ADK: variants seen among roughly 807,000 people sequenced by gnomAD.
ADK encodes the protein adenosine kinase, also known as N6,N6-dimethyladenosine kinase.
A neutral mutation model predicts 44.7 loss-of-function variants in ADK; 24 were observed. That is an observed-to-expected ratio of 0.54 (90% CI 0.39 to 0.76). The LOEUF (loss-of-function observed/expected upper bound fraction) is 0.76, where lower values mean the gene tolerates loss of function less well. Among genes scored for constraint, ADK ranks in the 30% least tolerant of loss-of-function variants. The probability of loss-of-function intolerance (pLI) is 0.00; values close to 1 mark genes in which losing one functional copy is unlikely to be tolerated. For synonymous variants in ADK, 128 were observed against 142.6 expected (o/e 0.90, Z 0.73); for missense variants, 321 against 425.1 (o/e 0.76, Z 2.15).
intron 3 of ADK, among the ~76,000 whole-genome samples, chr10:74,236,165 C>T (rs1417850541): frequency 6.6e-6 from 1 of 152,114 alleles, no homozygotes; most frequent in African/African-American, 2.4e-5. Context: ...TTTTCTCAGA[C>T]ATAATGTAAG....
intron 3 of ADK, among the ~76,000 whole-genome samples, chr10:74,304,303 A>C (rs1470564475): frequency 6.6e-6 from 1 of 151,818 alleles, no homozygotes; most frequent in Non-Finnish European, 1.5e-5. Flanking sequence ...TAACTAAGTT[A>C]TTTTTCCACA....
chr10:74,481,044 C>A (rs931387788), intron 6 of ADK, among the ~76,000 whole-genome samples: 3 of 151,796 alleles, frequency 2.0e-5, no homozygotes, highest in African/African-American at 7.3e-5. Flanking sequence ...TTTCAGTGTA[C>A]CTTTTTAGAT....
At chr10:74,524,792 G>C (rs1848974978) in intron 6 of ADK, among the ~76,000 whole-genome samples, 1 of 152,192 alleles carries the variant, frequency 6.6e-6, no homozygotes, top group South Asian at 2.1e-4. Flanking sequence ...CAGCTACTTG[G>C]AGGGCTGAGG....
At chr10:74,408,342 A>G (rs776318248) in intron 6 of ADK, among the ~76,000 whole-genome samples, 3 of 152,098 alleles carry the variant, frequency 2.0e-5, no homozygotes, top group Non-Finnish European at 2.9e-5. Flanking sequence ...CGAATTCTGT[A>G]TTGAGTTTTC....
intron 2 of ADK, among the ~76,000 whole-genome samples, chr10:74,220,383 T>G (rs1320429674): frequency 6.6e-6 from 1 of 152,068 alleles, no homozygotes; most frequent in African/African-American, 2.4e-5. Flanking sequence ...AATCAATAGC[T>G]TACCAACCAA....
At chr10:74,195,290 AG>A (rs1437983818) in intron 1 of ADK, among the ~76,000 whole-genome samples, 1 of 152,214 alleles carries the variant, frequency 6.6e-6, no homozygotes, top group Non-Finnish European at 1.5e-5. Context: ...TCATTTAAGA[AG>A]GTCATAGTAT....
At chr10:74,574,088 G>A (rs899410653) in intron 7 of ADK, among the ~76,000 whole-genome samples, 10 of 151,804 alleles carry the variant, frequency 6.6e-5, no homozygotes, top group Admixed American at 1.3e-4. Context: ...GAAATCACAC[G>A]TTTTCTGCGT....
At chr10:74,409,682 G>A (rs1340216591) in intron 6 of ADK, among the ~76,000 whole-genome samples, 1 of 152,112 alleles carries the variant, frequency 6.6e-6, no homozygotes, top group Non-Finnish European at 1.5e-5. Flanking sequence ...TTTTGTGAGG[G>A]TAGAGTTTTC....
intron 1 of ADK, among the ~76,000 whole-genome samples, chr10:74,195,924 G>A (rs1027377105): frequency 6.6e-5 from 10 of 151,460 alleles, no homozygotes; most frequent in South Asian, 2.1e-4. Flanking sequence ...CAATGCGCCC[G>A]CCTCAGCCTC....
chr10:74,487,090 T>G (rs995986290), intron 6 of ADK, among the ~76,000 whole-genome samples: 8 of 152,130 alleles, frequency 5.3e-5, no homozygotes, highest in African/African-American at 1.9e-4. Flanking sequence ...TAAAGCAGTC[T>G]TGTAAACACT....
chr10:74,385,824 T>G (rs1843120494), intron 4 of ADK, among the ~76,000 whole-genome samples: 1 of 152,212 alleles, frequency 6.6e-6, no homozygotes, highest in South Asian at 2.1e-4. Context: ...AGTTTATTTT[T>G]TCTACTAGGC....
At chr10:74,216,835 C>G (rs1488567948) in intron 2 of ADK, among the ~76,000 whole-genome samples, 1 of 151,954 alleles carries the variant, frequency 6.6e-6, no homozygotes, top group Non-Finnish European at 1.5e-5. Context: ...TAGTTTCATT[C>G]ACAATAGGTG....
intron 7 of ADK, among the ~76,000 whole-genome samples, chr10:74,527,355 C>G (rs1297637235): frequency 1.5e-5 from 2 of 136,890 alleles, no homozygotes; most frequent in African/African-American, 6.2e-5. Context: ...GAGACTCCGT[C>G]TCAAAAAACA....
chr10:74,195,707 CTTTTTTTTTTTT>C (rs71475265), intron 1 of ADK, among the ~76,000 whole-genome samples: 1 of 97,526 alleles, frequency 1.0e-5, no homozygotes, highest in Non-Finnish European at 1.9e-5. Context: ...TCTTTTCTTT[CTTTTTTTTTTTT>C]TTTTTTTTGA....
intron 10 of ADK, among the ~76,000 whole-genome samples, chr10:74,704,789 C>T (rs1856542292): frequency 6.6e-6 from 1 of 152,192 alleles, no homozygotes; most frequent in Non-Finnish European, 1.5e-5. Flanking sequence ...TATAAGGCGT[C>T]TAATAGACAT....
chr10:74,333,700 T>G (rs1405105025), intron 4 of ADK, among the ~76,000 whole-genome samples: 2 of 152,186 alleles, frequency 1.3e-5, no homozygotes, highest in Non-Finnish European at 2.9e-5. Context: ...TAATCTATTT[T>G]TTTCTCAAAA....
intron 6 of ADK, among the ~76,000 whole-genome samples, chr10:74,406,388 C>T (rs1222944159): frequency 6.6e-6 from 1 of 151,754 alleles, no homozygotes; most frequent in African/African-American, 2.4e-5. Flanking sequence ...TATGATGTAC[C>T]TTGGCATAGT....
chr10:74,377,029 G>C (rs1842839770), intron 4 of ADK, among the ~76,000 whole-genome samples: 1 of 152,070 alleles, frequency 6.6e-6, no homozygotes, highest in Non-Finnish European at 1.5e-5. Flanking sequence ...CACTTTTAAT[G>C]ATGCTGAGAT....
At chr10:74,625,787 C>T (rs573892830) in intron 9 of ADK, among the ~76,000 whole-genome samples, 29 of 151,942 alleles carry the variant, frequency 1.9e-4, no homozygotes, top group Non-Finnish European at 3.7e-4. Flanking sequence ...GGTTTAAAGA[C>T]GGTAAATAAA....
Sources: gnomAD v4.1 joint callset for allele counts (sites outside exome capture counted in the v4.1 genomes callset) on GRCh38, gnomAD v4.1.1 for gene constraint, MANE v1.5 for transcripts, NCBI Gene and HGNC (gene_info 2026-07-23, HGNC 2026-07-21) for gene names.